LSAMP: variants seen among roughly 807,000 people sequenced by gnomAD.
LSAMP encodes limbic system associated membrane protein.
LSAMP carries 7 observed loss-of-function variants against 38.6 expected under a neutral mutation model. The observed-to-expected ratio is 0.18, with a 90% confidence interval of 0.10 to 0.34. The LOEUF (loss-of-function observed/expected upper bound fraction) is 0.34, where lower values mean the gene tolerates loss of function less well. Ranked by LOEUF, LSAMP falls within the 10% of genes least tolerant of loss-of-function variation. The probability of loss-of-function intolerance (pLI) is 1.00; values close to 1 mark genes in which losing one functional copy is unlikely to be tolerated. For synonymous variants in LSAMP, 154 were observed against 166.8 expected, an observed-to-expected ratio of 0.92 and a Z score of 0.59; for missense variants, 313 against 420.0, an observed-to-expected ratio of 0.75 and a Z score of 2.23.
At chr3:115,829,140 C>G (rs574499177) in intron 6 of LSAMP, among the ~76,000 whole-genome samples, 2 of 152,000 alleles carry the variant, frequency 1.3e-5, no homozygotes, top group Non-Finnish European at 2.9e-5. Flanking sequence ...TTCTTGCTAG[C>G]AACTTTTAGC....
At chr3:116,402,528 A>G (rs552260043) in intron 1 of LSAMP, among the ~76,000 whole-genome samples, 1 of 152,330 alleles carries the variant, frequency 6.6e-6, no homozygotes, top group South Asian at 2.1e-4. Context: ...AATTGCTTAT[A>G]TAAATACAGA....
At chr3:116,192,644 TAAAGA>T (rs1305700544) in intron 1 of LSAMP, among the ~76,000 whole-genome samples, 5 of 152,168 alleles carry the variant, frequency 3.3e-5, no homozygotes, top group Admixed American at 1.3e-4. Flanking sequence ...GATGGAAAAT[TAAAGA>T]AAAGTATTAG....
At chr3:116,334,541 C>A (rs1002605814) in intron 1 of LSAMP, among the ~76,000 whole-genome samples, 1 of 152,026 alleles carries the variant, frequency 6.6e-6, no homozygotes, top group South Asian at 2.1e-4. Flanking sequence ...GGATTTTACA[C>A]CATGACAAAG....
chr3:116,316,541 G>A (rs908178749), intron 1 of LSAMP, among the ~76,000 whole-genome samples: 2 of 152,118 alleles, frequency 1.3e-5, no homozygotes, highest in Non-Finnish European at 2.9e-5. Flanking sequence ...GGGAGACCGA[G>A]GCGGGTAGAT....
intron 3 of LSAMP, among the ~76,000 whole-genome samples, chr3:115,995,625 C>A (rs1356926884): frequency 6.6e-6 from 1 of 151,844 alleles, no homozygotes; most frequent in African/African-American, 2.4e-5. Flanking sequence ...TATTCAATGA[C>A]CAATGTTTCA....
chr3:116,262,639 C>G (rs185457720), intron 1 of LSAMP, among the ~76,000 whole-genome samples: 10 of 152,110 alleles, frequency 6.6e-5, no homozygotes, highest in African/African-American at 2.4e-4. Flanking sequence ...GCCTCTAAAA[C>G]TCAGTTAGAC....
At chr3:116,236,306 C>T (rs902743570) in intron 1 of LSAMP, among the ~76,000 whole-genome samples, 85 of 152,172 alleles carry the variant, frequency 5.6e-4, no homozygotes, top group African/African-American at 1.9e-3. Flanking sequence ...CCAAGTCATA[C>T]TTGTCAGAAG....
chr3:115,812,590 T>C (rs995979742), intron 6 of LSAMP, among the ~76,000 whole-genome samples: 1 of 152,194 alleles, frequency 6.6e-6, no homozygotes, highest in African/African-American at 2.4e-5. Context: ...TTAGTCTTTC[T>C]ATGTACACTA....
chr3:115,914,470 A>G (rs1366881707), intron 3 of LSAMP, among the ~76,000 whole-genome samples: 2 of 152,106 alleles, frequency 1.3e-5, no homozygotes, highest in East Asian at 3.8e-4. Flanking sequence ...TTTTCCATAC[A>G]CTGACTGTGC....
chr3:116,263,794 A>G (rs1386207777), intron 1 of LSAMP, among the ~76,000 whole-genome samples: 2 of 152,166 alleles, frequency 1.3e-5, no homozygotes, highest in Non-Finnish European at 2.9e-5. Flanking sequence ...ATCTTCATAG[A>G]AAAATGTATT....
intron 1 of LSAMP, among the ~76,000 whole-genome samples, chr3:116,383,871 G>T (rs2048592597): frequency 6.6e-6 from 1 of 152,162 alleles, no homozygotes; most frequent in Non-Finnish European, 1.5e-5. Flanking sequence ...GAGAACATTA[G>T]CAGGGCATTA....
chr3:116,322,934 T>C (rs1439326527), intron 1 of LSAMP, among the ~76,000 whole-genome samples: 3 of 152,130 alleles, frequency 2.0e-5, no homozygotes, highest in African/African-American at 7.2e-5. Context: ...AAACCACAAA[T>C]AGAACTGAAC....
At chr3:116,110,507 C>A (rs554591413) in intron 1 of LSAMP, among the ~76,000 whole-genome samples, 1 of 152,084 alleles carries the variant, frequency 6.6e-6, no homozygotes, top group African/African-American at 2.4e-5. Flanking sequence ...ACGGATAAAA[C>A]GTGTCTCCTT....
At chr3:115,870,081 T>C (rs990869875) in intron 3 of LSAMP, among the ~76,000 whole-genome samples, 1 of 152,152 alleles carries the variant, frequency 6.6e-6, no homozygotes. Flanking sequence ...AATTTAAATT[T>C]CAGTATTTAT....
chr3:116,341,363 TATTTTC>T (rs1236861732), intron 1 of LSAMP, among the ~76,000 whole-genome samples: 1 of 151,984 alleles, frequency 6.6e-6, no homozygotes, highest in Non-Finnish European at 1.5e-5. Flanking sequence ...GAAGAAGGAT[TATTTTC>T]ATTATTTTAA....
At chr3:116,226,179 C>T (rs975891025) in intron 1 of LSAMP, among the ~76,000 whole-genome samples, 1 of 152,172 alleles carries the variant, frequency 6.6e-6, no homozygotes, top group South Asian at 2.1e-4. Flanking sequence ...TCCTTACCCC[C>T]CAACCCTCAA....
intron 1 of LSAMP, among the ~76,000 whole-genome samples, chr3:116,265,095 C>T (rs750616171): frequency 7.2e-5 from 11 of 151,988 alleles, no homozygotes; most frequent in Non-Finnish European, 1.3e-4. Flanking sequence ...TAACAAAATA[C>T]ATTCCAATTA....
chr3:115,855,075 A>G (rs1230062500), intron 3 of LSAMP, among the ~76,000 whole-genome samples: 1 of 152,212 alleles, frequency 6.6e-6, no homozygotes, highest in Non-Finnish European at 1.5e-5. Flanking sequence ...AATCTTAGAG[A>G]TGGTTGGCAA....
intron 6 of LSAMP, among the ~76,000 whole-genome samples, chr3:115,813,433 T>C (rs1462196164): frequency 6.6e-6 from 1 of 152,174 alleles, no homozygotes; most frequent in Non-Finnish European, 1.5e-5. Flanking sequence ...GTATATTCTA[T>C]GATGTTCACA....
Sources: allele counts gnomAD v4.1 joint callset (sites outside exome capture counted in the v4.1 genomes callset), GRCh38; gene constraint gnomAD v4.1.1; transcripts MANE v1.5; gene names NCBI Gene and HGNC (gene_info 2026-07-23, HGNC 2026-07-21).